RMDN1: variants seen among roughly 807,000 people sequenced by gnomAD.
RMDN1 encodes regulator of microtubule dynamics 1.
A neutral mutation model predicts 48.9 loss-of-function variants in RMDN1; 48 were observed. The observed-to-expected ratio is 0.98, with a 90% CI of 0.78 to 1.25. RMDN1 has a LOEUF of 1.25. RMDN1 is among the 50% of genes most tolerant of loss of function. The pLI is 0.00. For missense variants in RMDN1, 418 were observed against 373.4 expected (o/e 1.12, Z -0.98); for synonymous variants, 148 against 132.6 (o/e 1.12, Z -0.80).
Position 86,473,671 on chromosome 8 carries a change from C to CA in RMDN1, c.*636dup, listed in dbSNP as rs888641983. 2.3e-4 allele frequency: 87 copies of CA among 378,936 alleles called. No homozygotes were observed. Among genetic ancestry groups the CA allele is most frequent in the African/African-American group, 1.8e-3 (80 of 45,636 alleles). The allele number at this position is 378,936 out of a possible 1,614,324, so 23.5% of individuals were successfully genotyped here. A position where few individuals can be genotyped will look rare whatever the true frequency, so the allele number is the denominator to read the frequency against. ...ATCCCAGCCACTCAGGAGGCTAAGG[C>CA]AGGAGAATCACTTGAACCCGGGAGG... On this transcript the variant is annotated 3_prime_UTR_variant, in exon 10 of 10. Coordinates refer to ENST00000406452, the MANE Select transcript of RMDN1 (RefSeq NM_016033.3).
At chr8:86,469,062 C>T (rs750956270), downstream of RMDN1, among the ~76,000 whole-genome samples, 10 of 150,966 alleles carry the variant, frequency 6.6e-5, no homozygotes, top group Non-Finnish European at 1.3e-4. Flanking sequence ...GAATAGCTCA[C>T]AGGCCCAATA....
intron 1 of RMDN1, 88 bp from the exon 2 acceptor site, chr8:86,507,200 A>AC (rs1271849777): frequency 5.3e-5 from 40 of 750,700 alleles, no homozygotes; most frequent in South Asian, 3.1e-4. Flanking sequence ...ATTTTCTCCC[A>AC]CCCCCAAAGC....
downstream of RMDN1, chr8:86,470,160 GGAGA>G (rs1355489554): frequency 4.7e-6 from 6 of 1,287,138 alleles, no homozygotes; most frequent in African/African-American, 9.1e-5. Context: ...CATCTATAAT[GGAGA>G]GATATAGCCT....
At chr8:86,477,903 AAAG>A (rs1252887667) in intron 7 of RMDN1, among the ~76,000 whole-genome samples, 48 of 151,982 alleles carry the variant, frequency 3.2e-4, no homozygotes, top group Non-Finnish European at 6.2e-4. Context: ...AAAAAAAAAA[AAAG>A]AACCAGGTCT....
intron 2 of RMDN1, among the ~76,000 whole-genome samples, chr8:86,494,506 T>C (rs35418161): frequency 0.26 from 40,203 of 151,918 alleles, 6,219 homozygotes; most frequent in East Asian, 0.54. Context: ...CAATGAGCTG[T>C]GATCATGCCA....
At chr8:86,469,172 G>A (rs1463761996), downstream of RMDN1, among the ~76,000 whole-genome samples, 1 of 141,714 alleles carries the variant, frequency 7.1e-6, no homozygotes, top group Non-Finnish European at 1.5e-5. Flanking sequence ...TGTTTTTTTT[G>A]TTTGTTTGTC....
chr8:86,504,538 A>G, intron 2 of RMDN1: 2 of 1,386,402 alleles, frequency 1.4e-6, no homozygotes, highest in South Asian at 2.3e-5. Flanking sequence ...TACTATCTTC[A>G]CTGTAGTTTC....
intron 9 of RMDN1, 117 bp from the exon 10 acceptor site, chr8:86,474,475 A>G (rs1813026415): frequency 1.2e-6 from 1 of 830,414 alleles, no homozygotes; most frequent in African/African-American, 1.7e-5. Context: ...AGGACATTAT[A>G]ACAATAAAAT....
intron 8 of RMDN1, among the ~76,000 whole-genome samples, chr8:86,475,589 AT>A (rs1490530651): frequency 6.6e-6 from 1 of 152,176 alleles, no homozygotes; most frequent in Non-Finnish European, 1.5e-5. Flanking sequence ...AGTGGAGAAC[AT>A]TCTTGGCTGA....
chr8:86,487,375 G>A (rs77357154), intron 3 of RMDN1, among the ~76,000 whole-genome samples: 3 of 151,680 alleles, frequency 2.0e-5, no homozygotes, highest in African/African-American at 7.3e-5. Flanking sequence ...AGGCCAAGGC[G>A]GGCAGATCAC....
downstream of RMDN1, chr8:86,468,693 A>G (rs1382375605): frequency 2.2e-6 from 1 of 456,212 alleles, no homozygotes; most frequent in Middle Eastern, 3.3e-4. Context: ...GCACTAGGTG[A>G]GGCTACACAG....
chr8:86,514,307 A>C, exon 1 of RMDN1: 1 of 980,970 alleles, frequency 1.0e-6, no homozygotes, highest in Non-Finnish European at 1.2e-6. Context: ...GCGCCAGCCT[A>C]CTGGCAAGGA....
chr8:86,478,995 G>T lies in RMDN1; in HGVS notation c.657C>A (p.Ala219=). The part of the protein sequence containing the change: ...HLMGIWCYTF[A]EMPWYQRRIA... ...TTCTTCTTTGATACCAAGGCATTTCGGCAAATGTATAGCACCTACAGGGAA... is the reference window on the plus strand; with the variant it reads ...TTCTTCTTTGATACCAAGGCATTTCTGCAAATGTATAGCACCTACAGGGAA... Residue 219 remains alanine (A), a synonymous_variant, in exon 7 of 10, where the codon GCC becomes GCA. Transcript: ENST00000406452. 6.2e-7 allele frequency: 1 copy of T among 1,613,432 alleles called. No individual in the cohort carries two copies. The highest frequency in any genetic ancestry group is 1.1e-5 in the South Asian group (1 of 91,046).
chr8:86,504,634 G>C, intron 2 of RMDN1: 1 of 898,944 alleles, frequency 1.1e-6, no homozygotes, highest in Non-Finnish European at 1.9e-6. Context: ...GCTCATGACT[G>C]TTTGTTATTA....
In RMDN1 at chr8:86,508,640, G is replaced by C; in HGVS notation, c.-20C>G. 6.3e-7 allele frequency: 1 copy of C among 1,589,092 alleles called. No homozygotes were observed. The highest frequency in any genetic ancestry group is 8.6e-7 in the Non-Finnish European group (1 of 1,167,618). On this transcript the variant is annotated 5_prime_UTR_variant, in exon 1 of 10. Coordinates refer to ENST00000406452, the MANE Select transcript of RMDN1 (RefSeq NM_016033.3). ...CGCCATGACCTGCAACTTGCGGGCT[G>C]ACCCTGCACTACTTCAGGCAGCTAC...
chr8:86,493,302 C>A (rs1042050834), intron 2 of RMDN1, among the ~76,000 whole-genome samples: 3 of 152,076 alleles, frequency 2.0e-5, no homozygotes, highest in Non-Finnish European at 2.9e-5. Context: ...ACTATATGAT[C>A]CAGCAATCCC....
At chr8:86,479,620 T>C (rs543599876) in intron 6 of RMDN1, among the ~76,000 whole-genome samples, 221 of 152,282 alleles carry the variant, frequency 1.5e-3, no homozygotes, top group African/African-American at 5.0e-3. Flanking sequence ...TCAATTATCA[T>C]TAATCCTCAG....
At chr8:86,504,451 T>C in intron 2 of RMDN1, 1 of 1,561,346 alleles carries the variant, frequency 6.4e-7, no homozygotes, top group Non-Finnish European at 8.8e-7. Context: ...TGTTGTGTTC[T>C]ATTACTCAAC....
chr8:86,496,563 G>C (rs1368282766), intron 2 of RMDN1, among the ~76,000 whole-genome samples: 3 of 152,146 alleles, frequency 2.0e-5, no homozygotes, highest in African/African-American at 7.2e-5. Flanking sequence ...ATTACACAAG[G>C]ATAAAGAGTT....
Sources: allele counts gnomAD v4.1 joint callset (sites outside exome capture counted in the v4.1 genomes callset), GRCh38; gene constraint gnomAD v4.1.1; transcripts MANE v1.5; gene names NCBI Gene and HGNC (gene_info 2026-07-23, HGNC 2026-07-21).